The following TRIM2 variants were observed in gnomAD, a reference collection of about 807,000 sequenced individuals.
TRIM2 encodes tripartite motif-containing protein 2.
A neutral mutation model predicts 75.2 loss-of-function variants in TRIM2; 20 were observed. The observed-to-expected ratio is 0.27, with a 90% CI of 0.19 to 0.39. TRIM2 has a LOEUF of 0.39. Among genes scored for constraint, TRIM2 ranks in the 10% least tolerant of loss-of-function variants. The pLI, the probability that TRIM2 is intolerant of heterozygous loss-of-function variation, is 1.00. For missense variants in TRIM2, 660 were observed against 990.8 expected (o/e 0.67, Z 4.48); for synonymous variants, 373 against 388.3 (o/e 0.96, Z 0.46).
At chr4:153,221,776 AAAG>A (rs1419148314) in intron 1 of TRIM2, among the ~76,000 whole-genome samples, 4 of 127,526 alleles carry the variant, frequency 3.1e-5, no homozygotes, top group South Asian at 5.9e-4. Context: ...GGAAGGAAGG[AAAG>A]AAGAAAAGGA....
intron 1 of TRIM2, among the ~76,000 whole-genome samples, chr4:153,217,261 C>T (rs1738733883): frequency 6.6e-6 from 1 of 152,094 alleles, no homozygotes. Context: ...TGTACATGTA[C>T]AGATAACCCA....
chr4:153,256,399 T>C (rs1752091536), intron 1 of TRIM2, among the ~76,000 whole-genome samples: 2 of 152,274 alleles, frequency 1.3e-5, no homozygotes, highest in Non-Finnish European at 2.9e-5. Context: ...TAATCAAATA[T>C]GCAGATGCCC....
At chr4:153,241,758 C>T (rs753007123) in intron 1 of TRIM2, among the ~76,000 whole-genome samples, 2 of 152,128 alleles carry the variant, frequency 1.3e-5, no homozygotes, top group Admixed American at 6.5e-5. Flanking sequence ...CTCAGAATTT[C>T]GACCTGAGGA....
intron 6 of TRIM2, among the ~76,000 whole-genome samples, chr4:153,299,469 A>G (rs1456491364): frequency 6.6e-6 from 1 of 152,184 alleles, no homozygotes; most frequent in Non-Finnish European, 1.5e-5. Flanking sequence ...TATTGTGAAC[A>G]GTGCTGCAGT....
chr4:153,316,022 C>T (rs752422371), intron 8 of TRIM2, 23 bp downstream of exon 8: 1 of 1,525,152 alleles, frequency 6.6e-7, no homozygotes, highest in South Asian at 1.3e-5. Flanking sequence ...ACTAATTGTT[C>T]ACTAAACAAT....
rs751579921 is a variant in TRIM2, at chr4:153,295,269, C to A, written c.787-44C>A. On this transcript the variant is annotated intron_variant, in intron 5 of 11. Transcript: ENST00000338700. The surrounding 1 kb of genome is among the most constrained non-coding windows in gnomAD (Gnocchi z 7.2). Reference sequence around the variant, plus strand: ...GGAGGGCACTGCCCCGGGCTAGGCCCCGCCCTGTGGGACGAGCTCACCAGG... The same window carrying A: ...GGAGGGCACTGCCCCGGGCTAGGCCACGCCCTGTGGGACGAGCTCACCAGG... 5.9e-6 allele frequency: 9 copies of A among 1,518,184 alleles called. No individual in the cohort carries two copies. The highest frequency in any genetic ancestry group is 4.4e-6 in the Non-Finnish European group (5 of 1,132,962). 94.0% of individuals were successfully genotyped at this position (1,518,184 alleles called of 1,614,324 possible).
intron 1 of TRIM2, among the ~76,000 whole-genome samples, chr4:153,244,410 T>C (rs965780963): frequency 4.2e-5 from 4 of 95,132 alleles, no homozygotes; most frequent in African/African-American, 2.1e-4. Context: ...TTCTTCTTCT[T>C]CTTCTTCTTC....
At chr4:153,245,659 T>C (rs953453718) in intron 1 of TRIM2, among the ~76,000 whole-genome samples, 2 of 152,258 alleles carry the variant, frequency 1.3e-5, no homozygotes, top group Admixed American at 1.3e-4. Flanking sequence ...CTTTAACAAC[T>C]GTTATTTATT....
rs374510612 is a variant in TRIM2 at position 153,163,522 on chromosome 4, G to A, written c.-49+10252G>A. 2.5e-3 allele frequency among the ~76,000 whole-genome samples: 222 copies of A among 90,286 alleles called. 4 individuals carry two copies. The highest frequency in any genetic ancestry group is 7.9e-3 in the African/African-American group (203 of 25,758). The allele number at this position is 90,286 out of a possible 152,430, so 59.2% of individuals were successfully genotyped here. A position where few individuals can be genotyped will look rare whatever the true frequency, so the allele number is the denominator to read the frequency against. ...TTTTTTTTTTTTTTTTTTTTTTTGA[G>A]GCAGAGTCTTGTTCTGTCACCTAGG... On this transcript the variant is annotated intron_variant, in intron 1 of 11. Coordinates refer to the TRIM2 transcript ENST00000437508.
intron 3 of TRIM2, among the ~76,000 whole-genome samples, chr4:153,292,555 T>C (rs1419599995): frequency 6.6e-6 from 1 of 152,238 alleles, no homozygotes; most frequent in Non-Finnish European, 1.5e-5. Context: ...CCTCCCAAAG[T>C]GCTGGGATTA....
At chr4:153,219,927 A>C (rs1397255408) in intron 1 of TRIM2, among the ~76,000 whole-genome samples, 1 of 152,210 alleles carries the variant, frequency 6.6e-6, no homozygotes, top group Non-Finnish European at 1.5e-5. Flanking sequence ...ATAGAGCACA[A>C]GATTCATTTC....
At chr4:153,241,839 G>A (rs1351838603) in intron 1 of TRIM2, among the ~76,000 whole-genome samples, 7 of 152,292 alleles carry the variant, frequency 4.6e-5, no homozygotes, top group African/African-American at 9.6e-5. Flanking sequence ...CACGTATGCC[G>A]GATAAAGGTC....
At chr4:153,221,677 TAAGG>T (rs1186434864) in intron 1 of TRIM2, among the ~76,000 whole-genome samples, 2 of 138,688 alleles carry the variant, frequency 1.4e-5, no homozygotes, top group Non-Finnish European at 3.1e-5. Context: ...GGGAGGAAGG[TAAGG>T]AAGGAAGGAT....
At chr4:153,316,372 AG>A (rs1454096913) in intron 8 of TRIM2, among the ~76,000 whole-genome samples, 1 of 152,236 alleles carries the variant, frequency 6.6e-6, no homozygotes, top group Non-Finnish European at 1.5e-5. Context: ...TCACTTAGGA[AG>A]TACTTTTTAC....
intron 11 of TRIM2, among the ~76,000 whole-genome samples, chr4:153,333,407 A>T (rs983841932): frequency 1.3e-5 from 2 of 152,196 alleles, no homozygotes; most frequent in East Asian, 1.9e-4. Context: ...AAATCTACAC[A>T]CATGATAAAA....
At chr4:153,199,784 T>G (rs1298423490), upstream of TRIM2, among the ~76,000 whole-genome samples, 1 of 152,066 alleles carries the variant, frequency 6.6e-6, no homozygotes, top group Non-Finnish European at 1.5e-5. Context: ...TTTTATCATA[T>G]TTTTTAAGAC....
At chr4:153,235,583 G>A (rs905339798) in intron 1 of TRIM2, among the ~76,000 whole-genome samples, 3 of 152,112 alleles carry the variant, frequency 2.0e-5, no homozygotes, top group African/African-American at 4.8e-5. Flanking sequence ...ATGGTGCCCC[G>A]CCAAGTTAAG....
intron 1 of TRIM2, chr4:153,265,790 G>A (rs956680679): frequency 6.6e-6 from 1 of 151,036 alleles, no homozygotes; most frequent in Non-Finnish European, 1.5e-5. Flanking sequence ...ACACACTCTA[G>A]TGAAGTGTTA....
At position 153,244,319 on chromosome 4, in the gene TRIM2, C is replaced by CTCTTCTTCTTCTTCT. The variant is rs1311888983; in HGVS notation, c.31-25995_31-25981dup. Among the ~76,000 whole-genome samples, 34 of 21,136 alleles carry CTCTTCTTCTTCTTCT rather than the reference C, an allele frequency of 1.6e-3. 5 individuals are homozygous for CTCTTCTTCTTCTTCT. The highest frequency in any genetic ancestry group is 0.012 in the East Asian group (5 of 406). The allele number at this position is 21,136 out of a possible 152,430, so 13.9% of individuals were successfully genotyped here. A position where few individuals can be genotyped will look rare whatever the true frequency, so the allele number is the denominator to read the frequency against. ...CCTCCTCCTCCTCCTCCTCCTCCTC[C>CTCTTCTTCTTCTTCT]TCTTCTTCTTCTTCTTCTTCTTCTT... On this transcript the variant is annotated intron_variant, in intron 1 of 11. Coordinates refer to ENST00000338700, the MANE Select transcript of TRIM2 (RefSeq NM_015271.5).
Sources: allele counts gnomAD v4.1 joint callset (sites outside exome capture counted in the v4.1 genomes callset), GRCh38; gene constraint gnomAD v4.1.1; non-coding constraint Gnocchi (gnomAD v3.1); transcripts MANE v1.5; gene names NCBI Gene and HGNC (gene_info 2026-07-23, HGNC 2026-07-21).